The following DNAH14 variants were observed in gnomAD, a reference collection of about 807,000 sequenced individuals.
The protein encoded by DNAH14 is axonemal beta dynein heavy chain 14.
Under a neutral mutation model 520.9 loss-of-function variants are expected in DNAH14, and 478 were observed. The ratio of observed to expected loss-of-function variants is 0.92; its 90% CI spans 0.85 to 0.99. The LOEUF (loss-of-function observed/expected upper bound fraction) is 0.99. DNAH14 is among the 50% of genes least tolerant of loss of function. DNAH14 has a pLI of 0.00. For synonymous variants in DNAH14, 1,581 were observed against 1,757.2 expected (o/e 0.90, Z 2.51); for missense variants, 4,831 against 5,234.5 (o/e 0.92, Z 2.38).
intron 55 of DNAH14, among the ~76,000 whole-genome samples, chr1:225,298,187 G>A (rs1044453156): frequency 6.6e-6 from 1 of 152,006 alleles, no homozygotes; most frequent in Non-Finnish European, 1.5e-5. Flanking sequence ...TGGCTAGCCT[G>A]GGGGTATGTC....
At chr1:225,132,111 T>C (rs997818213) in intron 27 of DNAH14, among the ~76,000 whole-genome samples, 2 of 152,118 alleles carry the variant, frequency 1.3e-5, no homozygotes, top group South Asian at 2.1e-4. Context: ...ATCGGTAAAC[T>C]ATATTATATC....
chr1:225,105,469 T>G (rs2075959144), intron 23 of DNAH14, among the ~76,000 whole-genome samples: 1 of 152,208 alleles, frequency 6.6e-6, no homozygotes, highest in African/African-American at 2.4e-5. Flanking sequence ...TTGATCTGTC[T>G]AATGTTGACA....
intron 68 of DNAH14, among the ~76,000 whole-genome samples, chr1:225,338,821 A>G (rs931618559): frequency 2.0e-5 from 3 of 152,188 alleles, no homozygotes; most frequent in African/African-American, 7.2e-5. Context: ...GTAAGCAAGT[A>G]ATTGGCAAAG....
chr1:225,064,860 T>A (rs1350897062), intron 17 of DNAH14, among the ~76,000 whole-genome samples: 1 of 151,976 alleles, frequency 6.6e-6, no homozygotes, highest in Non-Finnish European at 1.5e-5. Context: ...TATGTATGAG[T>A]GTGTTAAAAC....
At chr1:225,290,737 A>G (rs2093868152) in intron 55 of DNAH14, among the ~76,000 whole-genome samples, 1 of 143,894 alleles carries the variant, frequency 6.9e-6, no homozygotes, top group Non-Finnish European at 1.5e-5. Flanking sequence ...TTCAAATTAA[A>G]TTCAATTAAA....
In DNAH14 at chr1:225,073,755, G is replaced by A. The variant is rs145661118; in HGVS notation, c.2425-5452G>A. ...GGCTGGAGTGCAGTGGCGCAATCTC[G>A]GCTCACTACAACCTCCGCCTCCCAG... On this transcript the variant is annotated intron_variant, in intron 17 of 85. Coordinates refer to ENST00000682510, the MANE Select transcript of DNAH14 (RefSeq NM_001367479.1). 5.0e-4 allele frequency among the ~76,000 whole-genome samples: 76 copies of A among 151,904 alleles called. No homozygotes were observed. The East Asian group carries it at 0.013, about 27-fold the overall frequency.
At chr1:225,359,697 T>C (rs2095471554) in intron 74 of DNAH14, among the ~76,000 whole-genome samples, 1 of 152,218 alleles carries the variant, frequency 6.6e-6, no homozygotes, top group African/African-American at 2.4e-5. Context: ...TACTATCCAT[T>C]TCTTGAAGAC....
chr1:225,341,936 T>C (rs1238547894), intron 69 of DNAH14, among the ~76,000 whole-genome samples: 6 of 152,180 alleles, frequency 3.9e-5, no homozygotes, highest in Non-Finnish European at 8.8e-5. Context: ...ATAGAAATCA[T>C]CTGTAGAGTT....
chr1:225,282,125 T>C (rs544946329), intron 54 of DNAH14, among the ~76,000 whole-genome samples: 2 of 152,312 alleles, frequency 1.3e-5, no homozygotes, highest in Non-Finnish European at 2.9e-5. Flanking sequence ...ATAAAAATGC[T>C]AAAAATGCTC....
Position 225,023,606 on chromosome 1 carries a change from A to G in DNAH14, c.1108-9A>G, listed in dbSNP as rs1414555162. On this transcript the variant is annotated splice_polypyrimidine_tract_variant and intron_variant, in intron 10 of 85. Coordinates refer to ENST00000682510, the MANE Select transcript of DNAH14 (RefSeq NM_001367479.1). The stretch of plus-strand genomic sequence containing the variant: ...AATACTTGTTTCTCAATTGTTTTTT[A>G]AATTGTAGGTTGCAGAAAAGAATGA... The G allele has an allele frequency of 2.0e-6, 3 of 1,497,784 alleles. No homozygotes were observed. The highest frequency in any genetic ancestry group is 2.8e-5 in the African/African-American group (2 of 71,424). The allele number at this position is 1,497,784 out of a possible 1,614,324, so 92.8% of individuals were successfully genotyped here. A position where few individuals can be genotyped will look rare whatever the true frequency, so the allele number is the denominator to read the frequency against.
intron 43 of DNAH14, among the ~76,000 whole-genome samples, chr1:225,242,590 C>T (rs902773987): frequency 1.3e-5 from 2 of 152,150 alleles, no homozygotes; most frequent in African/African-American, 4.8e-5. Context: ...ACAACAATGC[C>T]TTCTTCTGGA....
At chr1:225,152,152 T>A in intron 32 of DNAH14, 79 bp downstream of exon 32, 1 of 1,263,320 alleles carries the variant, frequency 7.9e-7, no homozygotes. Context: ...TGGAGTTGCT[T>A]GACATTTGCA....
intron 54 of DNAH14, among the ~76,000 whole-genome samples, chr1:225,289,637 A>C (rs1284532359): frequency 6.6e-6 from 1 of 152,128 alleles, no homozygotes; most frequent in Non-Finnish European, 1.5e-5. Flanking sequence ...TTCTCTTTCC[A>C]GTGAAATTTT....
At chr1:225,387,678 C>A (rs910914130) in intron 81 of DNAH14, among the ~76,000 whole-genome samples, 1 of 151,970 alleles carries the variant, frequency 6.6e-6, no homozygotes. Context: ...AAGTAATGAG[C>A]GCCGTCAAAA....
intron 64 of DNAH14, among the ~76,000 whole-genome samples, chr1:225,326,413 G>A (rs530537029): frequency 2.6e-5 from 4 of 152,282 alleles, no homozygotes; most frequent in East Asian, 1.9e-4. Context: ...TTTGTCGTGC[G>A]GGTAGAAGCA....
At chr1:224,974,713 A>G (rs2061699515) in intron 8 of DNAH14, among the ~76,000 whole-genome samples, 1 of 152,098 alleles carries the variant, frequency 6.6e-6, no homozygotes, top group African/African-American at 2.4e-5. Flanking sequence ...TTATAGCTAT[A>G]TCCACCTTCC....
At position 225,209,458 on chromosome 1, in the gene DNAH14, C is replaced by T. The variant is rs532777552; in HGVS notation, c.6439+2238C>T. On this transcript the variant is annotated intron_variant, in intron 41 of 85. Coordinates refer to ENST00000682510, the MANE Select transcript of DNAH14 (RefSeq NM_001367479.1). ...AGATTTACAGGTTCTCATGTTATAGCCTCATTTTAAGGCAGGGTCTGTGCA... is the reference window on the plus strand; with the variant it reads ...AGATTTACAGGTTCTCATGTTATAGTCTCATTTTAAGGCAGGGTCTGTGCA... Among the ~76,000 whole-genome samples the T allele has an allele frequency of 8.5e-5, 13 of 152,102 alleles. No homozygotes were observed. In the South Asian group the frequency reaches 2.7e-3, roughly 32 times the overall value.
At chr1:225,058,158 C>A (rs2069422566) in intron 17 of DNAH14, among the ~76,000 whole-genome samples, 1 of 152,118 alleles carries the variant, frequency 6.6e-6, no homozygotes, top group Non-Finnish European at 1.5e-5. Flanking sequence ...ACCATCTGGT[C>A]CTGGACTTTT....
intron 10 of DNAH14, among the ~76,000 whole-genome samples, chr1:225,013,365 A>G (rs908449210): frequency 5.3e-5 from 8 of 152,070 alleles, no homozygotes; most frequent in Admixed American, 2.0e-4. Flanking sequence ...GACCCACCAG[A>G]TACCAGCCGG....
Sources: allele counts gnomAD v4.1 joint callset (sites outside exome capture counted in the v4.1 genomes callset), GRCh38; gene constraint gnomAD v4.1.1; transcripts MANE v1.5; gene names NCBI Gene and HGNC (gene_info 2026-07-23, HGNC 2026-07-21).